Variants in PTK2 observed in about 807,000 individuals in gnomAD.
PTK2 encodes the protein protein tyrosine kinase 2, also known as focal adhesion kinase 1.
In PTK2, 45 loss-of-function variants were observed where a neutral mutation model predicts 150.1. The observed-to-expected ratio is 0.30, with a 90% CI of 0.24 to 0.38. The LOEUF is 0.38. Ranked by LOEUF, PTK2 falls within the 10% of genes least tolerant of loss-of-function variation. The probability of loss-of-function intolerance (pLI) is 1.00; values close to 1 mark genes in which losing one functional copy is unlikely to be tolerated. For synonymous variants in PTK2, 432 were observed against 449.2 expected (o/e 0.96, Z 0.48); for missense variants, 919 against 1,307.3 (o/e 0.70, Z 4.58).
At chr8:140,801,316 G>A (rs1457479697) in intron 11 of PTK2, among the ~76,000 whole-genome samples, 1 of 152,242 alleles carries the variant, frequency 6.6e-6, no homozygotes, top group Non-Finnish European at 1.5e-5. Context: ...AACCGTGTGT[G>A]CCACCAGACT....
intron 22 of PTK2, chr8:140,734,551 G>C: frequency 2.9e-6 from 1 of 349,072 alleles, no homozygotes; most frequent in South Asian, 2.2e-5. Flanking sequence ...ACAGGGTAGA[G>C]TATGCACATG....
At position 140,670,491 on chromosome 8, in the gene PTK2, ACACACACACACACACAC is replaced by A. The variant is rs1350953201; in HGVS notation, c.2710-2084_2710-2068del. 3.2e-4 allele frequency among the ~76,000 whole-genome samples: 8 copies of A among 24,854 alleles called. 1 individual carries two copies. The highest frequency in any genetic ancestry group is 7.3e-4 in the African/African-American group (8 of 10,960). The allele number at this position is 24,854 out of a possible 152,430, so 16.3% of individuals were successfully genotyped here. On this transcript the variant is annotated intron_variant, in intron 29 of 31. Transcript: ENST00000522684. Reference sequence around the variant, plus strand: ...AAAAAAAAAAAAAAAAAACAACAACACACACACACACACACACACACACACACACACACACACACACA... The same window carrying A: ...AAAAAAAAAAAAAAAAAACAACAACAACACACACACACACACACACACACA...
At chr8:140,736,599 T>C (rs1027571001) in intron 21 of PTK2, among the ~76,000 whole-genome samples, 2 of 152,062 alleles carry the variant, frequency 1.3e-5, no homozygotes, top group Non-Finnish European at 2.9e-5. Context: ...GAACATATAA[T>C]GCAATGTAAA....
intron 2 of PTK2, among the ~76,000 whole-genome samples, chr8:140,900,013 T>C (rs976902411): frequency 2.6e-5 from 4 of 151,932 alleles, no homozygotes; most frequent in Non-Finnish European, 4.4e-5. Flanking sequence ...TGAGGGAAAA[T>C]GTGAAGGCCT....
At chr8:140,725,383 T>C (rs188178546) in intron 22 of PTK2, among the ~76,000 whole-genome samples, 30 of 152,318 alleles carry the variant, frequency 2.0e-4, no homozygotes, top group Admixed American at 2.0e-3. Context: ...AGGAACTGTA[T>C]ACTCTGGATA....
intron 1 of PTK2, among the ~76,000 whole-genome samples, chr8:140,994,372 C>T (rs760350978): frequency 1.3e-5 from 2 of 152,236 alleles, no homozygotes; most frequent in Non-Finnish European, 2.9e-5. Flanking sequence ...TTTGCAGCAA[C>T]CCTGCATCGA....
Position 140,799,091 on chromosome 8 carries a change from T to C in PTK2, c.1093+1368A>G, listed in dbSNP as rs542393792. ...GTCCTGGAATCACACAGATTTATGT[T>C]TACTTAGCGAAGGCTCATGGCTTCA... On this transcript the variant is annotated intron_variant, in intron 12 of 31. Transcript: ENST00000522684. 3.3e-5 allele frequency: 5 copies of C among 152,350 alleles called. No homozygotes were observed. In the South Asian group the frequency reaches 6.2e-4, roughly 19 times the overall value. The allele number at this position is 152,350 out of a possible 1,614,324, so 9.4% of individuals were successfully genotyped here.
chr8:140,965,664 A>G (rs1246004786), intron 1 of PTK2, among the ~76,000 whole-genome samples: 3 of 152,106 alleles, frequency 2.0e-5, no homozygotes, highest in African/African-American at 7.2e-5. Context: ...ATCACCTGAG[A>G]TCAGGAGTTC....
At chr8:140,734,612 G>T (rs1046201723) in intron 22 of PTK2, 1 of 424,542 alleles carries the variant, frequency 2.4e-6, no homozygotes, top group African/African-American at 2.0e-5. Context: ...TCCTCCAGGG[G>T]TTTAACAGTA....
At chr8:140,802,539 G>A (rs1322271800) in intron 11 of PTK2, among the ~76,000 whole-genome samples, 1 of 152,120 alleles carries the variant, frequency 6.6e-6, no homozygotes, top group Non-Finnish European at 1.5e-5. Context: ...TATATGGTGT[G>A]TACAGTGTTT....
Position 140,957,403 on chromosome 8 carries a change from A to C in PTK2, c.-121-31654T>G, listed in dbSNP as rs552720430. The stretch of plus-strand genomic sequence containing the variant: ...GTACAATGTGCCTCTGTTGTAAGCT[A>C]AGTGTTATTACAAAATAGTCATAAG... On this transcript the variant is annotated intron_variant, in intron 1 of 31. Transcript: ENST00000522684. Among the ~76,000 whole-genome samples the C allele has an allele frequency of 1.7e-4, 26 of 152,328 alleles. No individual in the cohort carries two copies. In the South Asian group the frequency reaches 5.2e-3, roughly 30 times the overall value.
At chr8:140,898,687 A>T (rs182285174) in intron 2 of PTK2, among the ~76,000 whole-genome samples, 400 of 152,290 alleles carry the variant, frequency 2.6e-3, no homozygotes, top group Non-Finnish European at 5.2e-3. Flanking sequence ...CGAACATAAT[A>T]AACACCCTAC....
At chr8:140,769,576 G>A (rs753084303) in intron 14 of PTK2, 9 of 1,358,624 alleles carry the variant, frequency 6.6e-6, no homozygotes, top group South Asian at 3.5e-5. Context: ...AAATATTACC[G>A]TCCCCACTAA....
At chr8:140,913,615 C>A (rs549680455) in intron 2 of PTK2, among the ~76,000 whole-genome samples, 2 of 151,906 alleles carry the variant, frequency 1.3e-5, no homozygotes, top group Non-Finnish European at 1.5e-5. Flanking sequence ...AACTTAAAAG[C>A]CAAAAATTAT....
chr8:140,717,784 T>C (rs2100040625), intron 22 of PTK2, 75 bp from the exon 26 acceptor site: 4 of 1,134,418 alleles, frequency 3.5e-6, no homozygotes, highest in South Asian at 1.2e-5. Flanking sequence ...CCCTGAGTTA[T>C]CTAAGGAACA....
In PTK2 at chr8:140,744,768, CT is replaced by C; in HGVS notation, c.1519-2del. 2 of 1,406,448 alleles carry C rather than the reference CT, an allele frequency of 1.4e-6. No homozygotes were observed. Among genetic ancestry groups the C allele is most frequent in the Non-Finnish European group, 2.0e-6 (2 of 1,024,252 alleles). 87.1% of individuals were successfully genotyped at this position (1,406,448 alleles called of 1,614,324 possible). On this transcript the variant is annotated splice_acceptor_variant, in intron 18 of 31. Coordinates refer to ENST00000522684, the Ensembl canonical transcript of PTK2. LOFTEE classifies it high-confidence loss of function. ...TCCTTACTTGCAAAAATGACCTCAG[CT>C]TTTGGAACAATGACCAAAAGAAAAA... is the stretch of plus-strand genomic sequence containing the variant.
At chr8:140,750,172 G>C (rs1174782511) in intron 17 of PTK2, 1 of 152,192 alleles carries the variant, frequency 6.6e-6, no homozygotes, top group Non-Finnish European at 1.5e-5. Flanking sequence ...GATGTACTAA[G>C]ACTTAATTAA....
At chr8:140,883,012 TC>T (rs2100150072) in intron 3 of PTK2, among the ~76,000 whole-genome samples, 3 of 152,224 alleles carry the variant, frequency 2.0e-5, no homozygotes, top group Admixed American at 2.0e-4. Flanking sequence ...TGGTTTAATT[TC>T]CCTGATTACT....
At chr8:140,752,130 T>C in intron 17 of PTK2, 102 bp downstream of exon 20, 1 of 972,014 alleles carries the variant, frequency 1.0e-6, no homozygotes, top group Admixed American at 2.0e-5. Context: ...CATAGTTGTC[T>C]CCTAAAAGTC....
Sources: gnomAD v4.1 joint callset for allele counts (sites outside exome capture counted in the v4.1 genomes callset) on GRCh38, gnomAD v4.1.1 for gene constraint, MANE v1.5 for transcripts, NCBI Gene and HGNC (gene_info 2026-07-23, HGNC 2026-07-21) for gene names.